Variants in DACH1 observed in about 807,000 individuals in gnomAD.
DACH1 encodes the protein dachshund homolog 1.
DACH1 carries 12 observed loss-of-function variants against 54.2 expected under a neutral mutation model. That is an observed-to-expected ratio of 0.22 (90% CI 0.14 to 0.36). The LOEUF (loss-of-function observed/expected upper bound fraction) is 0.36, where lower values mean the gene tolerates loss of function less well. DACH1 is among the 10% of genes least tolerant of loss of function. The pLI, the probability that DACH1 is intolerant of heterozygous loss-of-function variation, is 1.00. For missense variants in DACH1, 805 were observed against 929.8 expected, an observed-to-expected ratio of 0.87 and a Z score of 1.75; for synonymous variants, 386 against 366.2, an observed-to-expected ratio of 1.05 and a Z score of -0.62.
intron 1 of DACH1, among the ~76,000 whole-genome samples, chr13:71,789,443 T>C (rs1886745323): frequency 6.6e-6 from 1 of 152,142 alleles, no homozygotes; most frequent in African/African-American, 2.4e-5. Context: ...ATCTGATTTA[T>C]CCCATAAAAA....
intron 1 of DACH1, among the ~76,000 whole-genome samples, chr13:71,781,589 A>G (rs112615144): frequency 0.035 from 5,349 of 152,076 alleles, 133 homozygotes; most frequent in Non-Finnish European, 0.054. Context: ...CGTGTTAGCC[A>G]GGATGGTCTC....
chr13:71,723,651 A>T (rs1883335428), intron 1 of DACH1, among the ~76,000 whole-genome samples: 1 of 152,092 alleles, frequency 6.6e-6, no homozygotes, highest in African/African-American at 2.4e-5. Flanking sequence ...TCTGTTTCTT[A>T]ACAAATTAAA....
At chr13:71,570,680 T>G (rs930839561) in intron 4 of DACH1, among the ~76,000 whole-genome samples, 3 of 152,154 alleles carry the variant, frequency 2.0e-5, no homozygotes, top group Non-Finnish European at 4.4e-5. Context: ...GACCTCACTT[T>G]CTTCTCTTTT....
At chr13:71,727,968 C>T (rs553942384) in intron 1 of DACH1, among the ~76,000 whole-genome samples, 2 of 152,046 alleles carry the variant, frequency 1.3e-5, no homozygotes, top group East Asian at 3.9e-4. Flanking sequence ...CTTTCTAGAC[C>T]ACACTCTGGA....
rs189068581 is a variant in DACH1 at position 71,754,179 on chromosome 13, G to A, written c.849-72269C>T. On this transcript the variant is annotated intron_variant, in intron 1 of 10. Coordinates refer to ENST00000613252, the MANE Select transcript of DACH1 (RefSeq NM_080759.6). ...CAAAGTTCCAGACTGTTCTATTAGT[G>A]CTTTAAAATGGAGGAATTCACAGCT... Among the ~76,000 whole-genome samples the A allele has an allele frequency of 3.3e-5, 5 of 152,000 alleles. No individual in the cohort carries two copies. In the East Asian group the frequency reaches 9.7e-4, roughly 29 times the overall value.
At chr13:71,776,071 G>A (rs956365929) in intron 1 of DACH1, among the ~76,000 whole-genome samples, 8 of 151,998 alleles carry the variant, frequency 5.3e-5, no homozygotes, top group East Asian at 1.9e-4. Context: ...GTAAAAGGGC[G>A]CAAAACAAAG....
At chr13:71,607,948 G>A (rs761946109) in intron 3 of DACH1, among the ~76,000 whole-genome samples, 1 of 151,810 alleles carries the variant, frequency 6.6e-6, no homozygotes, top group Non-Finnish European at 1.5e-5. Context: ...TGCCCAGAAC[G>A]CTTAAGTGAT....
chr13:71,540,625 A>AT (rs1413745008), intron 6 of DACH1, among the ~76,000 whole-genome samples: 2 of 152,088 alleles, frequency 1.3e-5, no homozygotes, highest in South Asian at 2.1e-4. Context: ...AAAAATCCAG[A>AT]TTTTTTATGG....
At position 71,452,473 on chromosome 13, in the gene DACH1, T is replaced by C. The variant is rs559383808; in HGVS notation, c.2084-11781A>G. ...AAATTAAAAAAAATTACATCAGCTA[T>C]ATCAGATATTTCAATATGTCAGCTA... On this transcript the variant is annotated intron_variant, in intron 10 of 10. Coordinates refer to ENST00000613252, the MANE Select transcript of DACH1 (RefSeq NM_080759.6). Among the ~76,000 whole-genome samples, 4 of 152,330 alleles carry C rather than the reference T, an allele frequency of 2.6e-5. No homozygotes were observed. The South Asian group carries it at 8.3e-4, about 32-fold the overall frequency.
At chr13:71,557,233 T>C in intron 5 of DACH1, 75 bp from the exon 6 acceptor site, 2 of 1,371,424 alleles carry the variant, frequency 1.5e-6, no homozygotes, top group South Asian at 2.9e-5. Flanking sequence ...AATAAGTCAA[T>C]TAAACTCTCT....
At chr13:71,581,143 A>T (rs1223371433) in intron 3 of DACH1, among the ~76,000 whole-genome samples, 1 of 151,798 alleles carries the variant, frequency 6.6e-6, no homozygotes, top group Non-Finnish European at 1.5e-5. Flanking sequence ...CAATTCTCAC[A>T]TTTACATCTG....
intron 6 of DACH1, among the ~76,000 whole-genome samples, chr13:71,497,567 G>C (rs1234195618): frequency 6.6e-6 from 1 of 151,946 alleles, no homozygotes; most frequent in Admixed American, 6.6e-5. Context: ...CCCCACCTTG[G>C]GTGATCCGCC....
chr13:71,773,259 TATG>T (rs1253270105), intron 1 of DACH1, among the ~76,000 whole-genome samples: 5 of 152,012 alleles, frequency 3.3e-5, no homozygotes, highest in African/African-American at 9.6e-5. Flanking sequence ...AGAAAAACCA[TATG>T]ATGTTTGTTA....
intron 10 of DACH1, among the ~76,000 whole-genome samples, chr13:71,447,684 T>A (rs1442618303): frequency 1.3e-5 from 2 of 150,896 alleles, no homozygotes; most frequent in Non-Finnish European, 3.0e-5. Context: ...TACAAAAAAA[T>A]TAGCTGGATG....
At chr13:71,710,034 A>T (rs893915129) in intron 1 of DACH1, among the ~76,000 whole-genome samples, 2 of 152,092 alleles carry the variant, frequency 1.3e-5, no homozygotes, top group Non-Finnish European at 2.9e-5. Context: ...TTTTTTGTAA[A>T]GATGGGGTTT....
At chr13:71,510,000 A>G (rs1310028626) in intron 6 of DACH1, among the ~76,000 whole-genome samples, 1 of 152,082 alleles carries the variant, frequency 6.6e-6, no homozygotes, top group Non-Finnish European at 1.5e-5. Context: ...GATGTCCATT[A>G]TACCAAATCC....
intron 10 of DACH1, among the ~76,000 whole-genome samples, chr13:71,445,753 T>A (rs1874395669): frequency 6.6e-6 from 1 of 152,190 alleles, no homozygotes; most frequent in African/African-American, 2.4e-5. Context: ...TTTAAACAAA[T>A]GTTATAATGT....
intron 7 of DACH1, among the ~76,000 whole-genome samples, chr13:71,485,250 GA>G (rs981194039): frequency 2.0e-5 from 3 of 146,366 alleles, no homozygotes; most frequent in Admixed American, 6.8e-5. Flanking sequence ...AGACCACAAT[GA>G]AAAAAAAATG....
In DACH1 at chr13:71,526,708, ATATATATATATATATATAGG is replaced by A. The variant is rs1037844198; in HGVS notation, c.1570+30296_1570+30315del. On this transcript the variant is annotated intron_variant, in intron 6 of 10. Transcript: ENST00000613252. ...ATCATACATACATATGTGTGTGTGT[ATATATATATATATATATAGG>A]TATATATATGTATGTATAATAACTA... Among the ~76,000 whole-genome samples the A allele has an allele frequency of 1.9e-4, 27 of 144,086 alleles. No individual in the cohort carries two copies. In the East Asian group the frequency reaches 3.2e-3, roughly 17 times the overall value. The allele number at this position is 144,086 out of a possible 152,430, so 94.5% of individuals were successfully genotyped here.
Sources: allele counts gnomAD v4.1 joint callset (sites outside exome capture counted in the v4.1 genomes callset), GRCh38; gene constraint gnomAD v4.1.1; transcripts MANE v1.5; gene names NCBI Gene and HGNC (gene_info 2026-07-23, HGNC 2026-07-21).